The following LINGO2 variants were observed in gnomAD, a reference collection of about 807,000 sequenced individuals.
LINGO2 encodes the protein leucine-rich repeat and immunoglobulin-like domain-containing nogo receptor-interacting protein 2.
LINGO2 carries 14 observed loss-of-function variants against 30.6 expected under a neutral mutation model. The ratio of observed to expected loss-of-function variants is 0.46; its 90% CI spans 0.30 to 0.72. The LOEUF (loss-of-function observed/expected upper bound fraction) is 0.72, where lower values mean the gene tolerates loss of function less well. Among genes scored for constraint, LINGO2 ranks in the 30% least tolerant of loss-of-function variants. The probability of loss-of-function intolerance (pLI) is 0.07; values close to 1 mark genes in which losing one functional copy is unlikely to be tolerated. For missense variants in LINGO2, 729 were observed against 751.7 expected (o/e 0.97, Z 0.35); for synonymous variants, 317 against 288.5 (o/e 1.10, Z -1.00).
At chr9:29,195,871 C>T in the LINGO2 span, among the ~76,000 whole-genome samples, 1 of 152,130 alleles carries the variant, frequency 6.6e-6, no homozygotes, top group Non-Finnish European at 1.5e-5. Context: ...CCTCAACAGA[C>T]ACTTATAATC....
rs1226735972 is a variant in LINGO2, at chr9:28,512,580, GATATATATGTGTGTAT to G, written c.-364-36571_-364-36556del. 2.2e-3 allele frequency among the ~76,000 whole-genome samples: 189 copies of G among 87,112 alleles called. 3 individuals are homozygous for G. The highest frequency in any genetic ancestry group is 5.0e-3 in the East Asian group (13 of 2,606). 57.1% of individuals were successfully genotyped at this position (87,112 alleles called of 152,430 possible). A position where few individuals can be genotyped will look rare whatever the true frequency, so the allele number is the denominator to read the frequency against. ...TTCTCTAGAGGGACAGAACTAACAG[GATATATATGTGTGTAT>G]ATATATATATATATATATATATATA... On this transcript the variant is annotated intron_variant, in intron 1 of 5. Transcript: ENST00000379992.
chr9:28,506,699 A>G (rs956783435), intron 1 of LINGO2, among the ~76,000 whole-genome samples: 4 of 151,046 alleles, frequency 2.6e-5, no homozygotes, highest in African/African-American at 9.7e-5. Flanking sequence ...CTATTCACTG[A>G]TATATATCAC....
chr9:29,118,636 A>T, the LINGO2 span, among the ~76,000 whole-genome samples: 555 of 152,272 alleles, frequency 3.6e-3, 2 homozygotes, highest in African/African-American at 0.013. Flanking sequence ...GATCCCAGCT[A>T]CAGATCAAAA....
chr9:28,383,338 CCTCT>C lies in LINGO2; in HGVS notation c.-278-10474_-278-10471del, dbSNP rs149013673. 1.3e-3 allele frequency among the ~76,000 whole-genome samples: 183 copies of C among 140,988 alleles called. No individual in the cohort carries two copies. In the Middle Eastern group the frequency reaches 0.022, roughly 17 times the overall value. 92.5% of individuals were successfully genotyped at this position (140,988 alleles called of 152,430 possible). On this transcript the variant is annotated intron_variant, in intron 2 of 5. Coordinates refer to ENST00000379992, the Ensembl canonical transcript of LINGO2. ...GCCTCTTGTATATCTGTATATAGTCCCTCTCTATCTGGAATACTTTCTCCTCTGT... is the reference window on the plus strand; with the variant it reads ...GCCTCTTGTATATCTGTATATAGTCCCTATCTGGAATACTTTCTCCTCTGT...
chr9:28,097,094 T>G (rs1427966614), intron 4 of LINGO2, among the ~76,000 whole-genome samples: 1 of 151,836 alleles, frequency 6.6e-6, no homozygotes, highest in Non-Finnish European at 1.5e-5. Flanking sequence ...ATGCTCACCA[T>G]CACTGGCCAT....
the LINGO2 span, among the ~76,000 whole-genome samples, chr9:29,055,217 T>TCAAAAA: frequency 6.6e-6 from 1 of 151,492 alleles, no homozygotes; most frequent in African/African-American, 2.4e-5. Flanking sequence ...AGACTCCATC[T>TCAAAAA]CAACAACAAC....
chr9:28,277,553 C>T (rs1823159630), intron 4 of LINGO2, among the ~76,000 whole-genome samples: 1 of 152,072 alleles, frequency 6.6e-6, no homozygotes, highest in Admixed American at 6.6e-5. Context: ...ACTGTAATCC[C>T]AGCACTCTGG....
chr9:28,974,171 G>A, the LINGO2 span, among the ~76,000 whole-genome samples: 98,958 of 152,076 alleles, frequency 0.65, 32,809 homozygotes, highest in Non-Finnish European at 0.72. Flanking sequence ...CACTTTGGGA[G>A]GCCAGGCAGG....
At chr9:28,121,252 G>A (rs1827089084) in intron 4 of LINGO2, among the ~76,000 whole-genome samples, 1 of 152,064 alleles carries the variant, frequency 6.6e-6, no homozygotes, top group Non-Finnish European at 1.5e-5. Context: ...TTTACTAACG[G>A]CACATGGATT....
chr9:29,160,281 C>CTAGTTAAGGTTATACTT, the LINGO2 span, among the ~76,000 whole-genome samples: 1 of 152,186 alleles, frequency 6.6e-6, no homozygotes, highest in African/African-American at 2.4e-5. Context: ...TCCACTGCAG[C>CTAGTTAAGGTTATACTT]AATGAAGCAT....
intron 4 of LINGO2, among the ~76,000 whole-genome samples, chr9:28,176,775 A>G (rs186211326): frequency 2.6e-5 from 4 of 152,294 alleles, no homozygotes; most frequent in African/African-American, 9.6e-5. Context: ...GATATAGACA[A>G]TTGCCCTCAG....
intron 4 of LINGO2, among the ~76,000 whole-genome samples, chr9:28,105,529 T>C (rs1274447500): frequency 2.0e-5 from 3 of 152,058 alleles, no homozygotes; most frequent in African/African-American, 7.2e-5. Flanking sequence ...TGATTAAATG[T>C]AGGAAAAAAA....
intron 3 of LINGO2, among the ~76,000 whole-genome samples, chr9:28,303,430 G>GT (rs1824222778): frequency 6.6e-6 from 1 of 151,988 alleles, no homozygotes; most frequent in Admixed American, 6.6e-5. Flanking sequence ...TGACACAAAG[G>GT]TTTTTTAAAC....
the LINGO2 span, among the ~76,000 whole-genome samples, chr9:29,070,834 T>C: frequency 1.3e-5 from 2 of 151,368 alleles, no homozygotes; most frequent in Admixed American, 1.3e-4. Flanking sequence ...TTGTTTCACA[T>C]GAATTTTTAT....
At chr9:28,032,650 C>T (rs772717993) in intron 4 of LINGO2, among the ~76,000 whole-genome samples, 4 of 152,178 alleles carry the variant, frequency 2.6e-5, no homozygotes, top group Non-Finnish European at 5.9e-5. Flanking sequence ...TTCAAACATC[C>T]TGCCCATCGT....
At position 28,233,061 on chromosome 9, in the gene LINGO2, T is replaced by TA. The variant is rs60875467; in HGVS notation, c.-87+62146_-87+62147insT. ...ATATATATATATATATATATATATA[T>TA]TAGATATATAATAGATATACAGTAA... On this transcript the variant is annotated intron_variant, in intron 4 of 5. Coordinates refer to ENST00000379992, the Ensembl canonical transcript of LINGO2. Among the ~76,000 whole-genome samples the TA allele has an allele frequency of 1.1e-3, 128 of 118,656 alleles. 2 individuals are homozygous for TA. The highest frequency in any genetic ancestry group is 3.6e-3 in the African/African-American group (99 of 27,872). The allele number at this position is 118,656 out of a possible 152,430, so 77.8% of individuals were successfully genotyped here.
chr9:28,424,879 T>C (rs1017652097), intron 2 of LINGO2, among the ~76,000 whole-genome samples: 1 of 152,118 alleles, frequency 6.6e-6, no homozygotes, highest in Non-Finnish European at 1.5e-5. Context: ...AGGCCTTGTT[T>C]GAGTCCTTTC....
chr9:28,299,199 G>C (rs147976505), intron 3 of LINGO2, among the ~76,000 whole-genome samples: 1 of 152,112 alleles, frequency 6.6e-6, no homozygotes, highest in Non-Finnish European at 1.5e-5. Flanking sequence ...TCAGCATTCA[G>C]TGAGTTCAAT....
chr9:29,010,228 G>A, the LINGO2 span, among the ~76,000 whole-genome samples: 12 of 152,018 alleles, frequency 7.9e-5, no homozygotes, highest in Non-Finnish European at 2.9e-5. Flanking sequence ...AGAAACTACC[G>A]TCAGAGTGAA....
Sources: allele counts gnomAD v4.1 joint callset (sites outside exome capture counted in the v4.1 genomes callset), GRCh38; gene constraint gnomAD v4.1.1; transcripts MANE v1.5; gene names NCBI Gene and HGNC (gene_info 2026-07-23, HGNC 2026-07-21).